Variants in SYNE4 observed in about 807,000 individuals in gnomAD.
SYNE4 encodes nesprin-4.
A neutral mutation model predicts 46.9 loss-of-function variants in SYNE4; 41 were observed. The ratio of observed to expected loss-of-function variants is 0.87; its 90% CI spans 0.68 to 1.13. The LOEUF is 1.13. SYNE4 is among the 50% of genes most tolerant of loss of function. The pLI is 0.00. For synonymous variants in SYNE4, 221 were observed against 219.5 expected (o/e 1.01, Z -0.06); for missense variants, 492 against 514.8 (o/e 0.96, Z 0.43).
intron 2 of SYNE4, 78 bp downstream of exon 2, chr19:36,008,139 C>T: frequency 6.1e-6 from 9 of 1,486,668 alleles, no homozygotes; most frequent in Non-Finnish European, 8.0e-6. Context: ...ATCACCCGGT[C>T]CTCAGTATGG....
At chr19:36,004,819 G>C (rs973809987) in intron 6 of SYNE4, among the ~76,000 whole-genome samples, 1 of 150,142 alleles carries the variant, frequency 6.7e-6, no homozygotes, top group African/African-American at 2.4e-5. Flanking sequence ...TGGGGACTTA[G>C]AGCCCAAGAA....
Position 36,006,569 on chromosome 19 carries a change from G to GGC in SYNE4, c.719_720dup (p.Leu241AlafsTer30). The GGC allele has an allele frequency of 6.2e-7, 1 of 1,606,642 alleles. No homozygotes were observed. The highest frequency in any genetic ancestry group is 8.5e-7 in the Non-Finnish European group (1 of 1,176,588). The stretch of plus-strand genomic sequence containing the variant: ...CACTCCAACTCTGTGGAAGTGGGGA[G>GGC]GCTACTGGGTGCCCAGGGCCCCCAG... On this transcript the variant is annotated frameshift_variant, in exon 5 of 8. Transcript: ENST00000324444. LOFTEE classifies it high-confidence loss of function.
intron 6 of SYNE4, 126 bp downstream of exon 6, chr19:36,005,207 C>G (rs562333538): frequency 2.9e-6 from 3 of 1,018,518 alleles, no homozygotes; most frequent in Admixed American, 2.4e-5. Context: ...TCAACAGTGC[C>G]TGGACCTTTC....
At position 36,006,549 on chromosome 19, in the gene SYNE4, C is replaced by T. The variant is rs1424593432; in HGVS notation, c.741G>A (p.Leu247=). 1.2e-6 allele frequency: 2 copies of T among 1,607,232 alleles called. No homozygotes were observed. Among genetic ancestry groups the T allele is most frequent in the Non-Finnish European group, 1.7e-6 (2 of 1,176,776 alleles). The part of the protein sequence containing the change: ...APSSLPTSTE[L]EWDPAGDIGG... ...CAATGTCCCCCGCCGGATCCCACTC[C>T]AACTCTGTGGAAGTGGGGAGGCTAC... Residue 247 remains leucine (L), a synonymous_variant, in exon 5 of 8, where the codon TTG becomes TTA. Transcript: ENST00000324444.
Position 36,008,206 on chromosome 19 carries a change from C to T in SYNE4, c.279+11G>A, listed in dbSNP as rs771594212. On this transcript the variant is annotated intron_variant, in intron 2 of 7. Coordinates refer to ENST00000324444, the MANE Select transcript of SYNE4 (RefSeq NM_001039876.3). ...GGGCTGGCACAAGGGGTCTGGGTCA[C>T]CTCAGCTCACCTCACAGTGTTTGCC... 3 of 1,607,580 alleles carry T rather than the reference C, an allele frequency of 1.9e-6. No homozygotes were observed. The highest frequency in any genetic ancestry group is 2.5e-6 in the Non-Finnish European group (3 of 1,176,550).
intron 3 of SYNE4, 44 bp from the exon 4 acceptor site, chr19:36,006,988 A>C: frequency 6.5e-7 from 1 of 1,531,228 alleles, no homozygotes; most frequent in Non-Finnish European, 8.8e-7. Context: ...CCAGGGACCC[A>C]AAACCTGGAG....
intron 2 of SYNE4, chr19:36,007,701 ACAT>A: frequency 1.8e-6 from 1 of 544,624 alleles, no homozygotes; most frequent in Non-Finnish European, 2.3e-6. Context: ...ACATGGTGAG[ACAT>A]CATCTCTACT....
At chr19:36,004,798 G>A (rs1312252551) in intron 6 of SYNE4, among the ~76,000 whole-genome samples, 1 of 151,824 alleles carries the variant, frequency 6.6e-6, no homozygotes, top group Non-Finnish European at 1.5e-5. Context: ...TTGCTAAGAA[G>A]GAAGCCACCT....
rs1196689632 is a variant in SYNE4, at chr19:36,003,402, G to T, written c.1150C>A (p.His384Asn). The change falls in exon 8 of 8, where the codon CAT becomes AAT. Residue 384 changes from histidine (H) to asparagine (N), a missense_variant. Coordinates refer to ENST00000324444, the MANE Select transcript of SYNE4 (RefSeq NM_001039876.3). ...TAGGGTGTCCTGGGTATTCGGGCAT[G>T]AGAGCAGCAGGGGCCTCCTGACGCG... ...LPASGGPCCS[H>N]ARIPRTPYLV... The T allele has an allele frequency of 6.2e-7, 1 of 1,614,136 alleles. No individual in the cohort carries two copies. Among genetic ancestry groups the T allele is most frequent in the Non-Finnish European group, 8.5e-7 (1 of 1,180,016 alleles).
Position 36,003,428 on chromosome 19 carries a change from G to A in SYNE4, c.1124C>T (p.Pro375Leu), listed in dbSNP as rs753136299. Residue 375 changes from proline to leucine, a missense_variant, in exon 8 of 8, where the codon CCC becomes CTC. Pro to Leu is a moderately conservative substitution (Grantham distance 98). Coordinates refer to ENST00000324444, the MANE Select transcript of SYNE4 (RefSeq NM_001039876.3). ...LLLVGAMFLL[P>L]ASGGPCCSHA... The stretch of plus-strand genomic sequence containing the variant: ...AGAGCAGCAGGGGCCTCCTGACGCG[G>A]GCAGGAGAAACATGGCACCCACCAG... 1.2e-6 allele frequency: 2 copies of A among 1,613,842 alleles called. No individual in the cohort carries two copies. Among genetic ancestry groups the A allele is most frequent in the South Asian group, 1.1e-5 (1 of 91,010 alleles).
At chr19:36,007,039 T>C (rs893205685) in intron 3 of SYNE4, 86 bp downstream of exon 3, 54 of 1,550,108 alleles carry the variant, frequency 3.5e-5, no homozygotes, top group Non-Finnish European at 4.4e-5. Context: ...GCCTGGAACA[T>C]GCACTCAACC....
chr19:36,006,533 C>T lies in SYNE4; in HGVS notation c.757G>A (p.Gly253Arg). 13 of 1,606,650 alleles carry T rather than the reference C, an allele frequency of 8.1e-6. No individual in the cohort carries two copies. Among genetic ancestry groups the T allele is most frequent in the Non-Finnish European group, 1.1e-5 (13 of 1,176,496 alleles). ...TSTELEWDPA[G>R]DIGGLGPLGQ... ...AAGGGCCCAAGGCCCCCAATGTCCCCCGCCGGATCCCACTCCAACTCTGTG... is the reference window on the plus strand; with the variant it reads ...AAGGGCCCAAGGCCCCCAATGTCCCTCGCCGGATCCCACTCCAACTCTGTG... Residue 253 changes from glycine (G) to arginine (R), a missense_variant, in exon 5 of 8, where the codon GGG (glycine) becomes AGG (arginine). By Grantham distance (125) the Gly-to-Arg change is moderately radical. Transcript: ENST00000324444.
Position 36,008,213 on chromosome 19 carries a change from T to G in SYNE4, c.279+4A>C, listed in dbSNP as rs1274950810. 2 of 1,608,886 alleles carry G rather than the reference T, an allele frequency of 1.2e-6. No individual in the cohort carries two copies. The highest frequency in any genetic ancestry group is 1.7e-6 in the Non-Finnish European group (2 of 1,177,330). Reference sequence around the variant, plus strand: ...CACAAGGGGTCTGGGTCACCTCAGCTCACCTCACAGTGTTTGCCCCCAGCT... The same window carrying G: ...CACAAGGGGTCTGGGTCACCTCAGCGCACCTCACAGTGTTTGCCCCCAGCT... On this transcript the variant is annotated splice_donor_region_variant and intron_variant, in intron 2 of 7. Transcript: ENST00000324444.
chr19:36,005,760 T>C, intron 5 of SYNE4: 1 of 227,856 alleles, frequency 4.4e-6, no homozygotes, highest in Non-Finnish European at 8.9e-6. Flanking sequence ...GGCTTATGCC[T>C]GTAATCCCAG....
chr19:36,004,947 G>A (rs1275936323), intron 6 of SYNE4, among the ~76,000 whole-genome samples: 1 of 140,100 alleles, frequency 7.1e-6, no homozygotes, highest in Non-Finnish European at 1.5e-5. Flanking sequence ...GTGGGATCTC[G>A]GCTCACCGCA....
intron 5 of SYNE4, 117 bp downstream of exon 5, chr19:36,006,302 GAGAT>G (rs1412013109): frequency 4.6e-6 from 6 of 1,307,962 alleles, no homozygotes; most frequent in Non-Finnish European, 6.2e-6. Flanking sequence ...CCGAGAGACA[GAGAT>G]AGAGGGGGAG....
rs753123933 is a variant in SYNE4, at chr19:36,003,453, G to GGAGGAGGAA, written c.1090_1098dup (p.Phe364_Leu366dup). 2.8e-5 allele frequency: 45 copies of GGAGGAGGAA among 1,612,898 alleles called. No homozygotes were observed. The East Asian group carries it at 6.9e-4, about 25-fold the overall frequency. ...GGCAGGAGAAACATGGCACCCACCA[G>GGAGGAGGAA]GAGGAGGAAGAGGAGGAAGAGGATA... On this transcript the variant is annotated inframe_insertion, in exon 8 of 8. Transcript: ENST00000324444.
chr19:36,007,330 A>G (rs1356797258), intron 2 of SYNE4, 62 bp from the exon 3 acceptor site: 2 of 1,488,990 alleles, frequency 1.3e-6, no homozygotes, highest in Non-Finnish European at 9.0e-7. Context: ...CCCTGCTCCC[A>G]TCCCCACCCC....
In SYNE4 at chr19:36,003,942, C is replaced by T. The variant is rs138029196; in HGVS notation, c.973-271G>A. 7.7e-3 allele frequency: 1,213 copies of T among 156,594 alleles called. 16 individuals carry two copies. The highest frequency in any genetic ancestry group is 0.028 in the African/African-American group (1,170 of 41,592). The allele number at this position is 156,594 out of a possible 1,614,324, so 9.7% of individuals were successfully genotyped here. ...TGTTGGCCAGGCTGGTCCCAAACTC[C>T]TGACCTCAAGTGATCCGCCCACCTC... On this transcript the variant is annotated intron_variant, in intron 6 of 7. Transcript: ENST00000324444.
Sources: gnomAD v4.1 joint callset for allele counts (sites outside exome capture counted in the v4.1 genomes callset) on GRCh38, gnomAD v4.1.1 for gene constraint, MANE v1.5 for transcripts, NCBI Gene and HGNC (gene_info 2026-07-23, HGNC 2026-07-21) for gene names.